The following PACRG variants were observed in gnomAD, a reference collection of about 807,000 sequenced individuals.
The protein encoded by PACRG is parkin coregulated gene protein.
In PACRG, 29 loss-of-function variants were observed where a neutral mutation model predicts 29.7. That is an observed-to-expected ratio of 0.98 (90% confidence interval 0.73 to 1.33). The LOEUF is 1.33. PACRG is among the 40% of genes most tolerant of loss of function. The probability of loss-of-function intolerance (pLI) is 0.00; values close to 1 mark genes in which losing one functional copy is unlikely to be tolerated. For synonymous variants in PACRG, 116 were observed against 118.7 expected (o/e 0.98, Z 0.15); for missense variants, 279 against 316.2 (o/e 0.88, Z 0.89).
intron 1 of PACRG, among the ~76,000 whole-genome samples, chr6:162,752,755 TAAACAAATC>T (rs1231015768): frequency 2.0e-5 from 3 of 152,194 alleles, no homozygotes; most frequent in African/African-American, 7.2e-5. Flanking sequence ...TACCAGACAC[TAAACAAATC>T]TGCTTTAGCA....
At chr6:163,211,069 A>G (rs571874407) in intron 4 of PACRG, among the ~76,000 whole-genome samples, 2 of 152,210 alleles carry the variant, frequency 1.3e-5, no homozygotes, top group African/African-American at 2.4e-5. Flanking sequence ...TACATGATAG[A>G]TTCTATCACA....
chr6:163,257,115 T>G (rs762372353), intron 4 of PACRG, among the ~76,000 whole-genome samples: 2 of 152,144 alleles, frequency 1.3e-5, no homozygotes, highest in Non-Finnish European at 2.9e-5. Context: ...AAATCTAGGA[T>G]GTTCTTATAC....
chr6:163,034,584 C>T (rs1807983953), intron 2 of PACRG, among the ~76,000 whole-genome samples: 1 of 152,146 alleles, frequency 6.6e-6, no homozygotes, highest in Non-Finnish European at 1.5e-5. Context: ...AATTCAATCC[C>T]ATTCTTTACC....
At chr6:163,250,413 C>T in intron 4 of PACRG, among the ~76,000 whole-genome samples, 1 of 152,196 alleles carries the variant, frequency 6.6e-6, no homozygotes, top group East Asian at 1.9e-4. Flanking sequence ...CTCCTCCACA[C>T]TGCTTCTGCA....
intron 4 of PACRG, among the ~76,000 whole-genome samples, chr6:163,229,257 A>G (rs1781928131): frequency 6.6e-6 from 1 of 152,156 alleles, no homozygotes; most frequent in Non-Finnish European, 1.5e-5. Context: ...CTGGGGCAGG[A>G]GGATCACTTT....
At chr6:163,071,901 A>G (rs1812092498) in intron 3 of PACRG, among the ~76,000 whole-genome samples, 1 of 152,052 alleles carries the variant, frequency 6.6e-6, no homozygotes, top group Non-Finnish European at 1.5e-5. Flanking sequence ...CAAAACCCAA[A>G]TAGACCAATA....
chr6:162,794,580 C>T (rs7752752), intron 1 of PACRG, among the ~76,000 whole-genome samples: 81,934 of 151,930 alleles, frequency 0.54, 22,768 homozygotes, highest in East Asian at 0.65. Context: ...GTTTGGCCTC[C>T]AATATTTCTT....
At chr6:163,034,179 G>A (rs1386099698) in intron 2 of PACRG, among the ~76,000 whole-genome samples, 1 of 152,160 alleles carries the variant, frequency 6.6e-6, no homozygotes, top group Non-Finnish European at 1.5e-5. Flanking sequence ...AAAAGTTCAG[G>A]CAGCTGCTTG....
In PACRG at chr6:162,773,659, C is replaced by T. The variant is rs1412411002; in HGVS notation, c.157-40488C>T. 4.0e-5 allele frequency among the ~76,000 whole-genome samples: 6 copies of T among 151,432 alleles called. No homozygotes were observed. In the East Asian group the frequency reaches 7.8e-4, roughly 20 times the overall value. ...CCTCCCGAGTAGCTGGGACTACAGG[C>T]GCCCGCCACCGCGCCCGGCTAATTT... On this transcript the variant is annotated intron_variant, in intron 1 of 4. Coordinates refer to ENST00000366888, the MANE Select transcript of PACRG (RefSeq NM_001080379.2).
chr6:162,792,429 G>A (rs1286537700), intron 1 of PACRG, among the ~76,000 whole-genome samples: 1 of 152,186 alleles, frequency 6.6e-6, no homozygotes, highest in African/African-American at 2.4e-5. Flanking sequence ...TAGTCTTAGA[G>A]TGGGATATAT....
At chr6:163,178,297 C>G (rs1034173927) in intron 4 of PACRG, among the ~76,000 whole-genome samples, 5 of 152,204 alleles carry the variant, frequency 3.3e-5, no homozygotes, top group African/African-American at 1.2e-4. Flanking sequence ...CTCAGCCACC[C>G]TCACAGCTCG....
At chr6:162,861,873 G>T (rs1041969148) in intron 2 of PACRG, among the ~76,000 whole-genome samples, 2 of 152,194 alleles carry the variant, frequency 1.3e-5, no homozygotes, top group Non-Finnish European at 2.9e-5. Flanking sequence ...CTGTCCCACT[G>T]AGATGCTACT....
At chr6:162,830,102 TTCTC>T (rs916448927) in intron 2 of PACRG, among the ~76,000 whole-genome samples, 3 of 152,164 alleles carry the variant, frequency 2.0e-5, no homozygotes, top group Non-Finnish European at 2.9e-5. Flanking sequence ...TTTTTTTCTC[TTCTC>T]TCACCCTCTT....
chr6:162,795,589 G>A (rs1394636338), intron 1 of PACRG, among the ~76,000 whole-genome samples: 1 of 151,890 alleles, frequency 6.6e-6, no homozygotes, highest in Non-Finnish European at 1.5e-5. Flanking sequence ...ATAATTCAGT[G>A]TAAACTACAG....
chr6:162,930,840 GT>G (rs1291766056), intron 2 of PACRG, among the ~76,000 whole-genome samples: 1 of 151,392 alleles, frequency 6.6e-6, no homozygotes, highest in African/African-American at 2.4e-5. Flanking sequence ...TATCTACATG[GT>G]TTTTTTCTTG....
chr6:163,292,162 G>C (rs1784630714), intron 4 of PACRG, among the ~76,000 whole-genome samples: 1 of 152,170 alleles, frequency 6.6e-6, no homozygotes, highest in South Asian at 2.1e-4. Flanking sequence ...AAGGGACAAC[G>C]TGCGGTGGTG....
At chr6:163,295,228 A>G (rs1784744872) in intron 4 of PACRG, among the ~76,000 whole-genome samples, 1 of 152,254 alleles carries the variant, frequency 6.6e-6, no homozygotes, top group African/African-American at 2.4e-5. Flanking sequence ...CTACGTGCCT[A>G]TTTTTAAAAA....
intron 2 of PACRG, among the ~76,000 whole-genome samples, chr6:162,854,708 A>T (rs974085509): frequency 3.0e-4 from 46 of 152,300 alleles, no homozygotes; most frequent in Non-Finnish European, 6.2e-4. Context: ...GGCTAGTTAT[A>T]AACCTTTCAG....
At chr6:163,211,131 C>G (rs1279025752) in intron 4 of PACRG, among the ~76,000 whole-genome samples, 1 of 152,102 alleles carries the variant, frequency 6.6e-6, no homozygotes, top group African/African-American at 2.4e-5. Flanking sequence ...GCTCTTAACT[C>G]TACCATTATG....
Sources: allele counts gnomAD v4.1 joint callset (sites outside exome capture counted in the v4.1 genomes callset), GRCh38; gene constraint gnomAD v4.1.1; transcripts MANE v1.5; gene names NCBI Gene and HGNC (gene_info 2026-07-23, HGNC 2026-07-21).